WAPL: variants seen among roughly 807,000 people sequenced by gnomAD.
WAPL encodes WAPL cohesin release factor, also known as wings apart-like protein homolog.
Under a neutral mutation model 121.0 loss-of-function variants are expected in WAPL, and 5 were observed. The ratio of observed to expected loss-of-function variants is 0.04; its 90% CI spans 0.02 to 0.09. The LOEUF is 0.09. WAPL is among the 10% of genes least tolerant of loss of function. WAPL has a pLI of 1.00. For synonymous variants in WAPL, 480 were observed against 481.5 expected (o/e 1.00, Z 0.04); for missense variants, 999 against 1,410.8 (o/e 0.71, Z 4.68).
chr10:86,506,212 G>A (rs1842345627), intron 2 of WAPL, among the ~76,000 whole-genome samples: 1 of 152,180 alleles, frequency 6.6e-6, no homozygotes, highest in Non-Finnish European at 1.5e-5. Context: ...TCCAGTCTGG[G>A]CAACAGAGCG....
At chr10:86,454,319 G>A (rs534926709) in intron 12 of WAPL, among the ~76,000 whole-genome samples, 59 of 152,038 alleles carry the variant, frequency 3.9e-4, no homozygotes, top group African/African-American at 1.3e-3. Context: ...ATGTCTCCTC[G>A]ACAATTTTCC....
chr10:86,506,268 C>T (rs557837478), intron 2 of WAPL, among the ~76,000 whole-genome samples: 4 of 151,668 alleles, frequency 2.6e-5, no homozygotes, highest in South Asian at 4.2e-4. Flanking sequence ...AAACAAAATA[C>T]TTTGAGGGTG....
At chr10:86,514,125 T>C (rs540366153) in intron 2 of WAPL, among the ~76,000 whole-genome samples, 2 of 152,290 alleles carry the variant, frequency 1.3e-5, no homozygotes, top group Admixed American at 1.3e-4. Flanking sequence ...ATTACAAGGT[T>C]TTCTGAGTGA....
Position 86,453,229 on chromosome 10 carries a change from A to G in WAPL, c.2940T>C (p.Ile980=). Residue 980 remains isoleucine, a synonymous_variant, in exon 14 of 19, where the codon ATT becomes ATC. Transcript: ENST00000298767. ...KYLPQEQRFD[I]RVLGLGLLIN... ...AGTCATTTCAACTTACCAGCACTCGAATATCAAATCTCTGCTCCTGAGGTA... is the reference window on the plus strand; with the variant it reads ...AGTCATTTCAACTTACCAGCACTCGGATATCAAATCTCTGCTCCTGAGGTA... The G allele has an allele frequency of 6.2e-7, 1 of 1,614,074 alleles. No homozygotes were observed.
intron 12 of WAPL, among the ~76,000 whole-genome samples, chr10:86,456,959 T>C (rs986669560): frequency 2.6e-5 from 4 of 152,196 alleles, no homozygotes; most frequent in African/African-American, 9.6e-5. Context: ...CCAAGACATT[T>C]GGCCTGAATT....
chr10:86,492,607 C>T (rs906092881), intron 4 of WAPL, among the ~76,000 whole-genome samples: 1 of 152,098 alleles, frequency 6.6e-6, no homozygotes, highest in African/African-American at 2.4e-5. Flanking sequence ...CCGCCCCCCA[C>T]CAAAAAGTCT....
chr10:86,455,082 C>G (rs925552746), intron 12 of WAPL, among the ~76,000 whole-genome samples: 11 of 148,608 alleles, frequency 7.4e-5, no homozygotes, highest in Non-Finnish European at 1.6e-4. Flanking sequence ...GCAGCCCCCG[C>G]CCGGCAGCCG....
chr10:86,500,225 C>T lies in WAPL; in HGVS notation c.1018G>A (p.Gly340Arg), dbSNP rs757801703. ...AAACTGGTCCCACAACTTACACCCC[C>T]TTTCTTTGCCTGATTCAGGCCATCT... ...SKDGLNQAKK[G>R]GVSCGTSFRG... Residue 340 changes from glycine to arginine, a missense_variant, in exon 3 of 19, where the codon GGG (glycine) becomes AGG (arginine). By Grantham distance (125) the Gly-to-Arg change is moderately radical (BLOSUM62 -2). Transcript: ENST00000298767. 3.7e-6 allele frequency: 6 copies of T among 1,614,068 alleles called. No individual in the cohort carries two copies. The East Asian group carries it at 1.1e-4, about 30-fold the overall frequency.
chr10:86,467,167 TA>T, intron 9 of WAPL, 111 bp downstream of exon 9: 1 of 996,196 alleles, frequency 1.0e-6, no homozygotes, highest in Non-Finnish European at 1.5e-6. Context: ...TGCCAAACTG[TA>T]AACCAAGGTT....
chr10:86,515,247 A>C (rs1015609505), intron 2 of WAPL, among the ~76,000 whole-genome samples: 5 of 150,782 alleles, frequency 3.3e-5, no homozygotes, highest in Admixed American at 2.0e-4. Context: ...GGGGGACAAG[A>C]GCGAGACTTC....
intron 2 of WAPL, among the ~76,000 whole-genome samples, chr10:86,512,048 ACT>A: frequency 6.6e-6 from 1 of 152,374 alleles, no homozygotes; most frequent in South Asian, 2.1e-4. Context: ...AAGGCAGGTA[ACT>A]CTTGCTGATA....
intron 2 of WAPL, among the ~76,000 whole-genome samples, chr10:86,517,055 A>T (rs1458220077): frequency 1.3e-5 from 2 of 152,252 alleles, no homozygotes; most frequent in African/African-American, 4.8e-5. Flanking sequence ...TCTCAAAAAA[A>T]AAAATCTATC....
At chr10:86,464,476 T>C (rs1006462668) in intron 9 of WAPL, among the ~76,000 whole-genome samples, 5 of 152,156 alleles carry the variant, frequency 3.3e-5, no homozygotes, top group Non-Finnish European at 1.5e-5. Context: ...ATAAAAACTA[T>C]AGGCTCAAAT....
In WAPL at chr10:86,459,971, G is replaced by A. The variant is rs1841232499; in HGVS notation, c.2580+428C>T. 2.0e-5 allele frequency among the ~76,000 whole-genome samples: 3 copies of A among 152,128 alleles called. No homozygotes were observed. In the South Asian group the frequency reaches 6.2e-4, roughly 32 times the overall value. On this transcript the variant is annotated intron_variant, in intron 11 of 18. Transcript: ENST00000298767. ...TCTACTAAAAATACAAAAATCAGAA[G>A]GGCATGATGGCACATGCCTATAATC...
rs770776850 is a variant in WAPL at position 86,517,877 on chromosome 10, C to T, written c.193G>A (p.Glu65Lys). Reference sequence around the variant, plus strand: ...AAAGGATCTCCAGTACTTTCTTCTTCCACTTTAGGTTTCTTCGGAATTTCT... The same window carrying T: ...AAAGGATCTCCAGTACTTTCTTCTTTCACTTTAGGTTTCTTCGGAATTTCT... ...IQEIPKKPKV[E>K]EESTGDPFGF... Residue 65 changes from glutamate (E) to lysine (K), a missense_variant, in exon 2 of 19, where the codon GAA becomes AAA. Physicochemically the swap from Glu to Lys is moderately conservative, Grantham distance 56. This residue lies in a region of WAPL where 531 missense variants were observed against 563.1 expected (regional missense o/e 0.94). Coordinates refer to ENST00000298767, the MANE Select transcript of WAPL (RefSeq NM_015045.5). The T allele has an allele frequency of 6.8e-6, 11 of 1,613,988 alleles. No homozygotes were observed. In the African/African-American group the frequency reaches 9.3e-5, roughly 14 times the overall value.
At chr10:86,519,220 G>T (rs1246016474) in intron 1 of WAPL, among the ~76,000 whole-genome samples, 1 of 151,890 alleles carries the variant, frequency 6.6e-6, no homozygotes, top group African/African-American at 2.4e-5. Flanking sequence ...CTATTAAAAA[G>T]TTATAGTACT....
chr10:86,444,432 A>C (rs1433097257), intron 16 of WAPL, among the ~76,000 whole-genome samples: 1 of 152,224 alleles, frequency 6.6e-6, no homozygotes, highest in East Asian at 1.9e-4. Flanking sequence ...AACCACTCAA[A>C]TGTCCATCAG....
chr10:86,512,544 G>A (rs1842485191), intron 2 of WAPL, among the ~76,000 whole-genome samples: 1 of 152,216 alleles, frequency 6.6e-6, no homozygotes, highest in Non-Finnish European at 1.5e-5. Context: ...CGACGGCATT[G>A]ATTCAAACCA....
At chr10:86,461,308 T>C (rs1036759865) in intron 9 of WAPL, 21 bp from the exon 10 acceptor site, 1 of 1,564,564 alleles carries the variant, frequency 6.4e-7, no homozygotes, top group African/African-American at 1.4e-5. Context: ...GAAGCATCAT[T>C]AATGAATATC....
Sources: allele counts gnomAD v4.1 joint callset (sites outside exome capture counted in the v4.1 genomes callset), GRCh38; gene constraint gnomAD v4.1.1; regional missense constraint gnomAD v4.1.1; transcripts MANE v1.5; gene names NCBI Gene and HGNC (gene_info 2026-07-23, HGNC 2026-07-21).